The following NPY5R variants were observed in gnomAD, a reference collection of about 807,000 sequenced individuals.
The protein encoded by NPY5R is neuropeptide Y receptor type 5.
NPY5R carries 21 observed loss-of-function variants against 24.8 expected under a neutral mutation model. The observed-to-expected ratio is 0.85, with a 90% CI of 0.60 to 1.22. The LOEUF (loss-of-function observed/expected upper bound fraction) is 1.22, where lower values mean the gene tolerates loss of function less well. NPY5R is among the 50% of genes most tolerant of loss of function. NPY5R has a pLI of 0.00. For synonymous variants in NPY5R, 175 were observed against 183.0 expected (o/e 0.96, Z 0.35); for missense variants, 481 against 521.3 (o/e 0.92, Z 0.75).
At position 163,349,278 on chromosome 4, in the gene NPY5R, C is replaced by T. The variant is rs543054504; in HGVS notation, c.-9-987C>T. On this transcript the variant is annotated intron_variant, in intron 3 of 3. Transcript: ENST00000338566. ...TTTGAACGTTTTATTCTCTCATAAA[C>T]ATTTATTTAATACCTGCAGTGATGA... is the stretch of plus-strand genomic sequence containing the variant. 1.6e-5 allele frequency: 14 copies of T among 873,510 alleles called. No homozygotes were observed. In the African/African-American group the frequency reaches 2.0e-4, roughly 12 times the overall value. The allele number at this position is 873,510 out of a possible 1,614,324, so 54.1% of individuals were successfully genotyped here.
chr4:163,348,591 G>C lies in NPY5R; in HGVS notation c.-10+1069G>C, dbSNP rs1473401945. Among the ~76,000 whole-genome samples the C allele has an allele frequency of 2.0e-5, 3 of 151,242 alleles. No homozygotes were observed. The East Asian group carries it at 5.8e-4, about 29-fold the overall frequency. ...GTCCAGGCGTTCAAGGTTACAATGA[G>C]CTGTGGTCACACTACTGCACCCCAG... On this transcript the variant is annotated intron_variant, in intron 3 of 3. Transcript: ENST00000338566.
intron 1 of NPY5R, chr4:163,344,660 C>A (rs1350484827): frequency 6.6e-6 from 1 of 152,224 alleles, no homozygotes; most frequent in Non-Finnish European, 1.5e-5. Flanking sequence ...TAACAAACAT[C>A]CATAGAACTC....
intron 1 of NPY5R, chr4:163,344,807 A>T (rs1271852340): frequency 6.6e-6 from 1 of 152,032 alleles, no homozygotes; most frequent in Non-Finnish European, 1.5e-5. Context: ...AGGCTCTTTC[A>T]GCAGAATTTT....
chr4:163,351,311 T>C lies in NPY5R; in HGVS notation c.1038T>C (p.Asp346=), dbSNP rs1319122166. 6.2e-7 allele frequency: 1 copy of C among 1,612,930 alleles called. No individual in the cohort carries two copies. Among genetic ancestry groups the C allele is most frequent in the East Asian group, 2.2e-5 (1 of 44,864 alleles). Residue 346 remains aspartate (D), a synonymous_variant, in exon 4 of 4, where the codon GAT becomes GAC. Coordinates refer to ENST00000338566, the MANE Select transcript of NPY5R (RefSeq NM_006174.4). ...AGATAAAACCTGAAGAAAATTCAGA[T>C]GTTCATGAATTGAGAGTAAAACGTT... ...CFEIKPEENS[D]VHELRVKRSV... is the part of the protein sequence containing the mutation.
At chr4:163,348,727 A>G (rs910367061) in intron 3 of NPY5R, among the ~76,000 whole-genome samples, 2 of 150,722 alleles carry the variant, frequency 1.3e-5, no homozygotes, top group African/African-American at 4.9e-5. Flanking sequence ...TCTTATTGGT[A>G]TGTTATAGGC....
chr4:163,351,524 C>G lies in NPY5R; in HGVS notation c.1251C>G (p.Ser417=). The part of the protein sequence containing the change: ...YCICHLLGMM[S]CCLNPILYGF... ...TTTGTCATTTGTTGGGCATGATGTC[C>G]TGTTGTCTTAATCCAATTCTATATG... Residue 417 remains serine (S), a synonymous_variant, in exon 4 of 4, where the codon TCC becomes TCG. Coordinates refer to ENST00000338566, the MANE Select transcript of NPY5R (RefSeq NM_006174.4). 1 of 1,612,508 alleles carries G rather than the reference C, an allele frequency of 6.2e-7. No homozygotes were observed. The highest frequency in any genetic ancestry group is 8.5e-7 in the Non-Finnish European group (1 of 1,178,614).
intron 1 of NPY5R, chr4:163,344,994 T>C (rs1180861218): frequency 6.6e-6 from 1 of 152,210 alleles, no homozygotes; most frequent in African/African-American, 2.4e-5. Flanking sequence ...ATGGGAATAT[T>C]TGAGAACATG....
intron 3 of NPY5R, among the ~76,000 whole-genome samples, chr4:163,348,453 G>A (rs6842264): frequency 0.86 from 130,929 of 151,856 alleles, 56,636 homozygotes; most frequent in Middle Eastern, 0.94. Context: ...ACATAGCCAG[G>A]CCCCATCTCC....
chr4:163,351,910 G>A lies in NPY5R; in HGVS notation c.*299G>A, dbSNP rs1735513031. On this transcript the variant is annotated 3_prime_UTR_variant, in exon 4 of 4. Transcript: ENST00000338566. ...AAACAAATGAATTGTATTTTTTGTTGAAAGTAAAAGTTATATCTAACCAAC... is the reference window on the plus strand; with the variant it reads ...AAACAAATGAATTGTATTTTTTGTTAAAAGTAAAAGTTATATCTAACCAAC... 5.0e-6 allele frequency: 1 copy of A among 198,180 alleles called. No homozygotes were observed. The highest frequency in any genetic ancestry group is 2.3e-5 in the African/African-American group (1 of 42,640). 12.3% of individuals were successfully genotyped at this position (198,180 alleles called of 1,614,324 possible).
intron 3 of NPY5R, among the ~76,000 whole-genome samples, chr4:163,349,842 C>T (rs975409512): frequency 8.5e-5 from 13 of 152,160 alleles, no homozygotes; most frequent in African/African-American, 3.1e-4. Context: ...CTGGGCTGGG[C>T]ACGGTGGCTC....
Position 163,351,578 on chromosome 4 carries a change from T to C in NPY5R, c.1305T>C (p.Asp435=). The part of the protein sequence containing the change: ...YGFLNNGIKA[D]LVSLIHCLHM Reference sequence around the variant, plus strand: ...TTCTTAATAATGGGATTAAAGCTGATTTAGTGTCCCTTATACACTGTCTTC... The same window carrying C: ...TTCTTAATAATGGGATTAAAGCTGACTTAGTGTCCCTTATACACTGTCTTC... The change falls in exon 4 of 4, where the codon GAT becomes GAC. Residue 435 remains aspartate (D), a synonymous_variant. Transcript: ENST00000338566. The C allele has an allele frequency of 6.2e-7, 1 of 1,609,074 alleles. No homozygotes were observed. Among genetic ancestry groups the C allele is most frequent in the Non-Finnish European group, 8.5e-7 (1 of 1,175,570 alleles).
Position 163,351,866 on chromosome 4 carries a change from C to A in NPY5R, c.*255C>A. On this transcript the variant is annotated 3_prime_UTR_variant, in exon 4 of 4. Transcript: ENST00000338566. Reference sequence around the variant, plus strand: ...CACTTTAGAAGGTTGTATTACCTTCCACTTCCATGTTGTCTTATAAACAAA... The same window carrying A: ...CACTTTAGAAGGTTGTATTACCTTCAACTTCCATGTTGTCTTATAAACAAA... 3.6e-6 allele frequency: 1 copy of A among 280,620 alleles called. No homozygotes were observed. Among genetic ancestry groups the A allele is most frequent in the Non-Finnish European group, 7.0e-6 (1 of 142,538 alleles). The allele number at this position is 280,620 out of a possible 1,614,324, so 17.4% of individuals were successfully genotyped here. A position where few individuals can be genotyped will look rare whatever the true frequency, so the allele number is the denominator to read the frequency against.
Position 163,350,379 on chromosome 4 carries a change from A to C in NPY5R, c.106A>C (p.Ser36Arg). 1 of 1,613,796 alleles carries C rather than the reference A, an allele frequency of 6.2e-7. No homozygotes were observed. The highest frequency in any genetic ancestry group is 8.5e-7 in the Non-Finnish European group (1 of 1,179,726). ...CCCAGTCTGGGATGACTATAAAAGC[A>C]GTGTAGATGACTTACAGTATTTTCT... Reference protein sequence around the residue: ...DFPVWDDYKSSVDDLQYFLIG... With the variant: ...DFPVWDDYKSRVDDLQYFLIG... The change falls in exon 4 of 4, where the codon AGT becomes CGT. Residue 36 changes from serine to arginine, a missense_variant. Ser to Arg is a moderately radical substitution (Grantham distance 110, BLOSUM62 -1). Coordinates refer to ENST00000338566, the MANE Select transcript of NPY5R (RefSeq NM_006174.4).
At position 163,351,653 on chromosome 4, in the gene NPY5R, C is replaced by T; in HGVS notation, c.*42C>T. The stretch of plus-strand genomic sequence containing the variant: ...CCAAGGAAAGAACAAATGCTGGGGT[C>T]ATATAAAATATATTTATGATAACTA... On this transcript the variant is annotated 3_prime_UTR_variant, in exon 4 of 4. Transcript: ENST00000338566. The T allele has an allele frequency of 7.3e-7, 1 of 1,360,868 alleles. No homozygotes were observed. The highest frequency in any genetic ancestry group is 1.5e-5 in the African/African-American group (1 of 68,554). The allele number at this position is 1,360,868 out of a possible 1,614,324, so 84.3% of individuals were successfully genotyped here.
rs377593544 is a variant in NPY5R at position 163,350,130 on chromosome 4, T to C, written c.-9-135T>C. 8.4e-5 allele frequency: 30 copies of C among 355,834 alleles called. No individual in the cohort carries two copies. In the South Asian group the frequency reaches 1.7e-3, roughly 20 times the overall value. 22.0% of individuals were successfully genotyped at this position (355,834 alleles called of 1,614,324 possible). ...AAAAAAAAAAAAAAAAAAAAAGATA[T>C]CATAAACTTCCTTAGGAGATTAATA... On this transcript the variant is annotated intron_variant, in intron 3 of 3. Transcript: ENST00000338566.
intron 2 of NPY5R, among the ~76,000 whole-genome samples, chr4:163,345,978 G>A (rs1283880998): frequency 9.3e-6 from 1 of 107,134 alleles, no homozygotes; most frequent in African/African-American, 3.6e-5. Context: ...TTATTTAGTC[G>A]TAAGAAGAAA....
chr4:163,348,802 A>G (rs1314928341), intron 3 of NPY5R, among the ~76,000 whole-genome samples: 1 of 152,074 alleles, frequency 6.6e-6, no homozygotes, highest in Non-Finnish European at 1.5e-5. Flanking sequence ...ACGTAATGCC[A>G]TTGATGTATG....
At position 163,351,242 on chromosome 4, in the gene NPY5R, C is replaced by T; in HGVS notation, c.969C>T (p.Leu323=). The T allele has an allele frequency of 6.2e-7, 1 of 1,614,168 alleles. No homozygotes were observed. The highest frequency in any genetic ancestry group is 8.5e-7 in the Non-Finnish European group (1 of 1,180,014). The change falls in exon 4 of 4, where the codon CTC becomes CTT. Residue 323 remains leucine (L), a synonymous_variant. Coordinates refer to ENST00000338566, the MANE Select transcript of NPY5R (RefSeq NM_006174.4). ...PENFGSVRSQ[L]SSSSKFIPGV... is the part of the protein sequence containing the mutation. Reference sequence around the variant, plus strand: ...ACTTTGGCTCTGTAAGAAGTCAGCTCTCTTCATCCAGTAAGTTCATACCAG... The same window carrying T: ...ACTTTGGCTCTGTAAGAAGTCAGCTTTCTTCATCCAGTAAGTTCATACCAG...
chr4:163,347,313 G>A (rs1247099719), intron 2 of NPY5R, 139 bp from the exon 3 acceptor site: 5 of 152,164 alleles, frequency 3.3e-5, no homozygotes, highest in Non-Finnish European at 7.4e-5. Flanking sequence ...ACCACAAATT[G>A]TGCTGCATCT....
Sources: allele counts gnomAD v4.1 joint callset (sites outside exome capture counted in the v4.1 genomes callset), GRCh38; gene constraint gnomAD v4.1.1; transcripts MANE v1.5; gene names NCBI Gene and HGNC (gene_info 2026-07-23, HGNC 2026-07-21).